TENM2: variants seen among roughly 807,000 people sequenced by gnomAD.
The protein encoded by TENM2 is teneurin-2.
In TENM2, 52 loss-of-function variants were observed where a neutral mutation model predicts 245.2. The observed-to-expected ratio is 0.21, with a 90% confidence interval of 0.17 to 0.27. TENM2 has a LOEUF of 0.27. Among genes scored for constraint, TENM2 ranks in the 10% least tolerant of loss-of-function variants. The pLI is 1.00. For missense variants in TENM2, 3,046 were observed against 3,666.8 expected, an observed-to-expected ratio of 0.83 and a Z score of 4.37; for synonymous variants, 1,363 against 1,438.9, an observed-to-expected ratio of 0.95 and a Z score of 1.19.
the TENM2 span, among the ~76,000 whole-genome samples, chr5:166,981,723 A>T: frequency 6.6e-6 from 1 of 152,206 alleles, no homozygotes; most frequent in Non-Finnish European, 1.5e-5. Context: ...AGACTCGAAG[A>T]CTATGAGTAC....
chr5:167,052,523 T>G, the TENM2 span, among the ~76,000 whole-genome samples: 1 of 152,210 alleles, frequency 6.6e-6, no homozygotes, highest in Non-Finnish European at 1.5e-5. Flanking sequence ...CATTGTAGTA[T>G]ATGATACAAC....
chr5:167,733,341 G>A (rs943842884), intron 2 of TENM2, among the ~76,000 whole-genome samples: 1 of 150,708 alleles, frequency 6.6e-6, no homozygotes, highest in African/African-American at 2.4e-5. Context: ...GTGTGGATCT[G>A]CTTGTAACAT....
At chr5:167,326,518 C>T (rs768518231) in intron 1 of TENM2, among the ~76,000 whole-genome samples, 16 of 151,452 alleles carry the variant, frequency 1.1e-4, no homozygotes, top group Non-Finnish European at 1.2e-4. Flanking sequence ...ACTAAAAATT[C>T]AAAAATTAGC....
intron 7 of TENM2, among the ~76,000 whole-genome samples, chr5:168,079,250 G>A (rs1791757275): frequency 6.6e-6 from 1 of 152,296 alleles, no homozygotes; most frequent in Middle Eastern, 3.4e-3. Flanking sequence ...TTGGTGTATA[G>A]GAATTCTTGT....
chr5:167,611,045 T>C (rs1011110769), intron 2 of TENM2, among the ~76,000 whole-genome samples: 1 of 152,200 alleles, frequency 6.6e-6, no homozygotes, highest in Non-Finnish European at 1.5e-5. Flanking sequence ...GTAGAAATGG[T>C]CATCTACTTT....
intron 2 of TENM2, among the ~76,000 whole-genome samples, chr5:167,488,795 C>T (rs1293030904): frequency 6.6e-6 from 1 of 152,128 alleles, no homozygotes; most frequent in Non-Finnish European, 1.5e-5. Context: ...AGTTGGAAGT[C>T]TAATAAATAT....
intron 3 of TENM2, among the ~76,000 whole-genome samples, chr5:167,900,869 G>A (rs1017234833): frequency 3.3e-5 from 5 of 151,090 alleles, no homozygotes; most frequent in African/African-American, 1.2e-4. Context: ...AGAGGAGACA[G>A]CAGTGACCAC....
intron 2 of TENM2, among the ~76,000 whole-genome samples, chr5:167,558,910 A>G (rs749440049): frequency 1.3e-5 from 2 of 152,130 alleles, no homozygotes; most frequent in Admixed American, 6.5e-5. Context: ...GTACATATCA[A>G]TTAGGTACAG....
intron 2 of TENM2, among the ~76,000 whole-genome samples, chr5:167,547,009 CAG>C (rs1457025877): frequency 6.6e-6 from 1 of 152,158 alleles, no homozygotes; most frequent in Admixed American, 6.5e-5. Context: ...GCCCAAAGCA[CAG>C]AGTTATTCCA....
At position 167,520,793 on chromosome 5, in the gene TENM2, G is replaced by A. The variant is rs369037559; in HGVS notation, c.502+145320G>A. The stretch of plus-strand genomic sequence containing the variant: ...TTCCTCATAATTCAACTTCCACATG[G>A]CCTCTACTGCTTGTTTGACTTCTCT... On this transcript the variant is annotated intron_variant, in intron 2 of 28. Coordinates refer to ENST00000518659, the Ensembl canonical transcript of TENM2. Among the ~76,000 whole-genome samples the A allele has an allele frequency of 2.6e-5, 4 of 151,408 alleles. No individual in the cohort carries two copies. In the East Asian group the frequency reaches 7.8e-4, roughly 30 times the overall value.
intron 3 of TENM2, among the ~76,000 whole-genome samples, chr5:167,880,151 G>A (rs982204303): frequency 1.1e-4 from 17 of 152,004 alleles, no homozygotes. Context: ...TCATGCCTCA[G>A]CCTCCCTAGT....
the TENM2 span, among the ~76,000 whole-genome samples, chr5:167,172,597 T>TTTTTTC: frequency 1.8e-3 from 274 of 151,458 alleles, 2 homozygotes; most frequent in African/African-American, 6.3e-3. Flanking sequence ...TTTTTACGTT[T>TTTTTTC]TTTTTCTTTT....
chr5:167,774,548 T>A (rs1582974813), intron 2 of TENM2, among the ~76,000 whole-genome samples: 3 of 152,194 alleles, frequency 2.0e-5, no homozygotes, highest in Admixed American at 1.3e-4. Flanking sequence ...TTTCTTATAG[T>A]CAGCTCTAGA....
At chr5:167,676,087 C>T in intron 2 of TENM2, among the ~76,000 whole-genome samples, 1 of 152,066 alleles carries the variant, frequency 6.6e-6, no homozygotes, top group East Asian at 1.9e-4. Flanking sequence ...ACTGTAACAA[C>T]TCCTTATTTA....
At chr5:167,929,107 A>AAGAAAGAT (rs1561945989) in intron 3 of TENM2, among the ~76,000 whole-genome samples, 2 of 144,132 alleles carry the variant, frequency 1.4e-5, no homozygotes, top group African/African-American at 5.2e-5. Context: ...GAAAGAAAGA[A>AAGAAAGAT]AGAAAGAAAG....
chr5:167,019,813 G>C, the TENM2 span, among the ~76,000 whole-genome samples: 1 of 151,976 alleles, frequency 6.6e-6, no homozygotes, highest in Non-Finnish European at 1.5e-5. Context: ...AGATTTGGGG[G>C]CTCTTAAGCC....
At chr5:168,135,756 T>C (rs1224950935) in intron 12 of TENM2, among the ~76,000 whole-genome samples, 2 of 152,244 alleles carry the variant, frequency 1.3e-5, no homozygotes, top group East Asian at 1.9e-4. Context: ...TGTTCGTTTT[T>C]AAAAACATAT....
intron 12 of TENM2, among the ~76,000 whole-genome samples, chr5:168,149,001 C>T (rs1027269978): frequency 3.9e-5 from 6 of 152,010 alleles, no homozygotes; most frequent in South Asian, 2.1e-4. Flanking sequence ...TTAAAGAGAA[C>T]GCAAAGGAAC....
At position 168,043,515 on chromosome 5, in the gene TENM2, C is replaced by G. The variant is rs188075627; in HGVS notation, c.1187-3912C>G. On this transcript the variant is annotated intron_variant, in intron 5 of 28. Transcript: ENST00000518659. ...GTGGCCCAAAGTATGTGCTAATTCT[C>G]TCTGGCTGAGTTTCAGAAAGGACCT... Among the ~76,000 whole-genome samples the G allele has an allele frequency of 1.4e-3, 212 of 152,314 alleles. 1 individual carries two copies. The highest frequency in any genetic ancestry group is 8.7e-3 in the South Asian group (42 of 4,822).
Sources: allele counts gnomAD v4.1 joint callset (sites outside exome capture counted in the v4.1 genomes callset), GRCh38; gene constraint gnomAD v4.1.1; transcripts MANE v1.5; gene names NCBI Gene and HGNC (gene_info 2026-07-23, HGNC 2026-07-21).